MAN1A2: variants seen among roughly 807,000 people sequenced by gnomAD.
MAN1A2 encodes the protein mannosyl-oligosaccharide 1,2-alpha-mannosidase IB.
MAN1A2 carries 26 observed loss-of-function variants against 75.7 expected under a neutral mutation model. The ratio of observed to expected loss-of-function variants is 0.34; its 90% CI spans 0.25 to 0.48. MAN1A2 has a LOEUF of 0.48. Ranked by LOEUF, MAN1A2 falls within the 20% of genes least tolerant of loss-of-function variation. MAN1A2 has a pLI of 0.99. For missense variants in MAN1A2, 562 were observed against 775.5 expected, an observed-to-expected ratio of 0.72 and a Z score of 3.27; for synonymous variants, 247 against 264.6, an observed-to-expected ratio of 0.93 and a Z score of 0.65.
chr1:117,461,038 GT>G (rs1444638455), intron 7 of MAN1A2, among the ~76,000 whole-genome samples: 5 of 152,062 alleles, frequency 3.3e-5, no homozygotes, highest in Non-Finnish European at 7.4e-5. Flanking sequence ...AGTTTAATAT[GT>G]TTTTTTAAAT....
chr1:117,409,296 G>A (rs1315108432), intron 3 of MAN1A2, among the ~76,000 whole-genome samples: 1 of 151,828 alleles, frequency 6.6e-6, no homozygotes, highest in Non-Finnish European at 1.5e-5. Context: ...GCATCCCTGA[G>A]GTTTTGATAT....
At chr1:117,385,920 C>G (rs1463099860) in intron 1 of MAN1A2, among the ~76,000 whole-genome samples, 1 of 152,180 alleles carries the variant, frequency 6.6e-6, no homozygotes, top group Non-Finnish European at 1.5e-5. Flanking sequence ...TATGGCGTTG[C>G]TACCTCTGGA....
chr1:117,484,867 C>G (rs1461896574), intron 8 of MAN1A2, among the ~76,000 whole-genome samples: 3 of 151,888 alleles, frequency 2.0e-5, no homozygotes, highest in Admixed American at 2.0e-4. Flanking sequence ...TCGTGACACA[C>G]TCAACTCTTT....
intron 8 of MAN1A2, among the ~76,000 whole-genome samples, chr1:117,468,325 G>A (rs1570768294): frequency 6.6e-6 from 1 of 152,132 alleles, no homozygotes; most frequent in Non-Finnish European, 1.5e-5. Flanking sequence ...ACTCTCCAGA[G>A]TGTATATATT....
chr1:117,415,099 C>A (rs745382155), intron 4 of MAN1A2, among the ~76,000 whole-genome samples: 8 of 151,934 alleles, frequency 5.3e-5, no homozygotes, highest in Non-Finnish European at 8.8e-5. Flanking sequence ...TACACTCATT[C>A]TTCTGGCACT....
intron 5 of MAN1A2, among the ~76,000 whole-genome samples, chr1:117,430,057 C>G (rs1363675009): frequency 1.2e-4 from 4 of 32,708 alleles, no homozygotes; most frequent in Admixed American, 2.2e-4. Context: ...CCCTCCCGGA[C>G]GGGGCGGCTG....
intron 8 of MAN1A2, among the ~76,000 whole-genome samples, chr1:117,467,925 AC>A (rs1650030224): frequency 6.6e-6 from 1 of 152,136 alleles, no homozygotes; most frequent in South Asian, 2.1e-4. Flanking sequence ...TCATAAAAGT[AC>A]TAAAAAAAGG....
At chr1:117,414,673 G>T in intron 3 of MAN1A2, 40 bp from the exon 4 acceptor site, 1 of 1,017,440 alleles carries the variant, frequency 9.8e-7, no homozygotes, top group South Asian at 1.3e-5. Context: ...GGAACCTAAA[G>T]GGATCTTTTT....
intron 8 of MAN1A2, among the ~76,000 whole-genome samples, chr1:117,473,645 A>G (rs2101850541): frequency 6.6e-6 from 1 of 152,086 alleles, no homozygotes; most frequent in South Asian, 2.1e-4. Flanking sequence ...CCACAGAGCT[A>G]TTGCAGCCAC....
At chr1:117,449,284 C>T (rs1220142677) in intron 6 of MAN1A2, among the ~76,000 whole-genome samples, 3 of 152,026 alleles carry the variant, frequency 2.0e-5, no homozygotes, top group Admixed American at 6.6e-5. Context: ...ATAGGCTGGG[C>T]GTGGTGGCTC....
chr1:117,427,886 G>A (rs553568719), intron 5 of MAN1A2, among the ~76,000 whole-genome samples: 37 of 152,256 alleles, frequency 2.4e-4, no homozygotes, highest in Admixed American at 9.8e-4. Flanking sequence ...AACATACATA[G>A]ATGTAATACA....
chr1:117,398,719 G>C (rs1647299424), intron 1 of MAN1A2, among the ~76,000 whole-genome samples: 1 of 151,626 alleles, frequency 6.6e-6, no homozygotes, highest in African/African-American at 2.4e-5. Flanking sequence ...CTGTAGAACA[G>C]AGAGCTAGAG....
chr1:117,511,105 C>A (rs190113385), intron 12 of MAN1A2, among the ~76,000 whole-genome samples: 30 of 152,060 alleles, frequency 2.0e-4, no homozygotes, highest in African/African-American at 7.2e-4. Flanking sequence ...GCACATCTTA[C>A]GTGGTGGCAG....
intron 12 of MAN1A2, among the ~76,000 whole-genome samples, chr1:117,519,928 T>C (rs757945915): frequency 3.3e-5 from 5 of 152,090 alleles, no homozygotes; most frequent in Non-Finnish European, 7.4e-5. Flanking sequence ...CAAAATCCTT[T>C]ACAAAATACT....
Position 117,499,515 on chromosome 1 carries a change from C to T in MAN1A2, c.1638C>T (p.His546=), listed in dbSNP as rs767314795. The T allele has an allele frequency of 1.6e-5, 26 of 1,607,698 alleles. No individual in the cohort carries two copies. Among genetic ancestry groups the T allele is most frequent in the Non-Finnish European group, 2.2e-5 (26 of 1,176,902 alleles). ...ETYWYLWRFT[H]DPRYRQWGWE... ...ATTGGTACCTATGGCGATTCACTCACGATCCAAGATACAGGCAGTGGGGCT... is the reference window on the plus strand; with the variant it reads ...ATTGGTACCTATGGCGATTCACTCATGATCCAAGATACAGGCAGTGGGGCT... The change falls in exon 11 of 13, where the codon CAC becomes CAT. Residue 546 remains histidine, a synonymous_variant. Coordinates refer to ENST00000356554, the MANE Select transcript of MAN1A2 (RefSeq NM_006699.5).
At chr1:117,422,293 T>A (rs145623819) in intron 5 of MAN1A2, among the ~76,000 whole-genome samples, 1 of 152,112 alleles carries the variant, frequency 6.6e-6, no homozygotes, top group Non-Finnish European at 1.5e-5. Flanking sequence ...GCATAATGCA[T>A]TTGAGATTTA....
rs925180779 is a variant in MAN1A2 at position 117,523,544 on chromosome 1, C to A, written c.*587C>A. The A allele has an allele frequency of 3.0e-5, 5 of 167,052 alleles. No individual in the cohort carries two copies. In the South Asian group the frequency reaches 6.6e-4, roughly 22 times the overall value. The allele number at this position is 167,052 out of a possible 1,614,324, so 10.3% of individuals were successfully genotyped here. A position where few individuals can be genotyped will look rare whatever the true frequency, so the allele number is the denominator to read the frequency against. ...AATTTTCAAGTTCCCCATTGGATGA[C>A]CAGACTGGCAACCATTTCAAATCCC... On this transcript the variant is annotated 3_prime_UTR_variant, in exon 13 of 13. Transcript: ENST00000356554.
intron 5 of MAN1A2, among the ~76,000 whole-genome samples, chr1:117,427,208 CAG>C (rs1182513707): frequency 9.2e-5 from 14 of 151,810 alleles, no homozygotes; most frequent in African/African-American, 3.4e-4. Flanking sequence ...TAAGGTAACC[CAG>C]ATACTGGCAT....
At chr1:117,514,464 A>T (rs1278674400) in intron 12 of MAN1A2, among the ~76,000 whole-genome samples, 1 of 151,810 alleles carries the variant, frequency 6.6e-6, no homozygotes, top group Admixed American at 6.6e-5. Context: ...TACTGATGTT[A>T]TTGTCGTATC....
Sources: allele counts gnomAD v4.1 joint callset (sites outside exome capture counted in the v4.1 genomes callset), GRCh38; gene constraint gnomAD v4.1.1; transcripts MANE v1.5; gene names NCBI Gene and HGNC (gene_info 2026-07-23, HGNC 2026-07-21).